The following SHISA9 variants were observed in gnomAD, a reference collection of about 807,000 sequenced individuals.
The protein encoded by SHISA9 is shisa family member 9, also known as protein shisa-9.
In SHISA9, 13 loss-of-function variants were observed where a neutral mutation model predicts 38.0. The ratio of observed to expected loss-of-function variants is 0.34; its 90% CI spans 0.22 to 0.54. The LOEUF (loss-of-function observed/expected upper bound fraction) is 0.54, where lower values mean the gene tolerates loss of function less well. Ranked by LOEUF, SHISA9 falls within the 20% of genes least tolerant of loss-of-function variation. The probability of loss-of-function intolerance (pLI) is 0.91; values close to 1 mark genes in which losing one functional copy is unlikely to be tolerated. For synonymous variants in SHISA9, 275 were observed against 242.0 expected, an observed-to-expected ratio of 1.14 and a Z score of -1.27; for missense variants, 538 against 575.8, an observed-to-expected ratio of 0.93 and a Z score of 0.67.
intron 2 of SHISA9, among the ~76,000 whole-genome samples, chr16:13,118,786 A>C (rs542752321): frequency 8.0e-4 from 118 of 146,874 alleles, no homozygotes; most frequent in Non-Finnish European, 1.5e-3. Context: ...CTGGAATGCA[A>C]TGGCGTGATC....
intron 4 of SHISA9, among the ~76,000 whole-genome samples, chr16:13,224,483 C>T (rs192078092): frequency 6.6e-6 from 1 of 152,296 alleles, no homozygotes; most frequent in Non-Finnish European, 1.5e-5. Context: ...GCCCATTTCT[C>T]ATATTTCAGG....
At chr16:13,512,768 C>T in the SHISA9 span, among the ~76,000 whole-genome samples, 1 of 152,156 alleles carries the variant, frequency 6.6e-6, no homozygotes, top group Non-Finnish European at 1.5e-5. Flanking sequence ...AAAGGATTCC[C>T]TATTTAATAA....
At chr16:12,979,124 A>C (rs4781370) in intron 2 of SHISA9, among the ~76,000 whole-genome samples, 152,318 of 152,322 alleles carry the variant, frequency 1, 76,157 homozygotes, top group Non-Finnish European at 1. Context: ...CCTCTCCTTG[A>C]TTGTTCCCAT....
chr16:13,299,257 C>T, the SHISA9 span, among the ~76,000 whole-genome samples: 11 of 152,338 alleles, frequency 7.2e-5, no homozygotes, highest in African/African-American at 2.4e-4. Flanking sequence ...TACAGACAGT[C>T]ACTGCTCTAG....
intron 2 of SHISA9, among the ~76,000 whole-genome samples, chr16:13,168,589 G>A (rs1207326336): frequency 6.6e-6 from 1 of 152,196 alleles, no homozygotes; most frequent in Non-Finnish European, 1.5e-5. Flanking sequence ...AAGGGAGAAG[G>A]GAGCCTGTTC....
At chr16:13,472,066 C>G in the SHISA9 span, among the ~76,000 whole-genome samples, 8 of 152,248 alleles carry the variant, frequency 5.3e-5, no homozygotes, top group African/African-American at 1.7e-4. Context: ...TGAGTAAACT[C>G]TTCTTGAAAA....
the SHISA9 span, among the ~76,000 whole-genome samples, chr16:13,397,191 G>A: frequency 1.9e-3 from 295 of 152,310 alleles, 1 homozygote; most frequent in Middle Eastern, 0.01. Context: ...GACTGTCTAC[G>A]TAATCAGTAA....
chr16:13,203,861 GTCCA>G (rs1036257449), intron 3 of SHISA9, among the ~76,000 whole-genome samples: 30 of 149,912 alleles, frequency 2.0e-4, no homozygotes, highest in African/African-American at 7.4e-4. Context: ...CTATCTGTCT[GTCCA>G]TCCATCCATC....
chr16:13,154,773 A>G (rs552580872), intron 2 of SHISA9, among the ~76,000 whole-genome samples: 130 of 152,318 alleles, frequency 8.5e-4, no homozygotes, highest in African/African-American at 2.8e-3. Flanking sequence ...TGATCCCTGT[A>G]GAGAGTTAGG....
chr16:13,015,018 C>G (rs962947690), intron 2 of SHISA9, among the ~76,000 whole-genome samples: 3 of 152,176 alleles, frequency 2.0e-5, no homozygotes, highest in African/African-American at 7.2e-5. Context: ...TTAGTGGATT[C>G]TCTCCTTTCA....
intron 2 of SHISA9, among the ~76,000 whole-genome samples, chr16:12,952,260 C>T (rs2141777587): frequency 6.6e-6 from 1 of 152,336 alleles, no homozygotes; most frequent in Middle Eastern, 3.4e-3. Context: ...AGAGAACTTT[C>T]TGTGACCTGT....
At chr16:13,472,444 T>C in the SHISA9 span, among the ~76,000 whole-genome samples, 2 of 126,158 alleles carry the variant, frequency 1.6e-5, no homozygotes, top group African/African-American at 3.0e-5. Context: ...CAGGCTGGAG[T>C]GCCGTGGAAC....
At chr16:13,440,515 G>C in the SHISA9 span, among the ~76,000 whole-genome samples, 54 of 152,340 alleles carry the variant, frequency 3.5e-4, no homozygotes, top group African/African-American at 1.2e-3. Flanking sequence ...AAAATGTCAA[G>C]ACTGACGCCC....
the SHISA9 span, among the ~76,000 whole-genome samples, chr16:13,558,964 G>C: frequency 5.1e-3 from 771 of 152,282 alleles, 5 homozygotes; most frequent in Non-Finnish European, 6.7e-3. Context: ...TAGCAAGTAA[G>C]CAAATTCACA....
At chr16:13,539,458 T>C in the SHISA9 span, among the ~76,000 whole-genome samples, 1 of 150,966 alleles carries the variant, frequency 6.6e-6, no homozygotes, top group East Asian at 2.0e-4. Context: ...ATTACAGGTG[T>C]CAACCACTAT....
chr16:13,399,998 C>CA, the SHISA9 span, among the ~76,000 whole-genome samples: 1 of 152,198 alleles, frequency 6.6e-6, no homozygotes, highest in African/African-American at 2.4e-5. Context: ...TCAAGCGTAT[C>CA]AGGTGCTCTC....
intron 2 of SHISA9, among the ~76,000 whole-genome samples, chr16:13,014,982 A>G (rs1197137768): frequency 2.0e-5 from 3 of 152,250 alleles, no homozygotes; most frequent in Non-Finnish European, 4.4e-5. Context: ...AGGGTTGGAC[A>G]TGAAGATATC....
the SHISA9 span, among the ~76,000 whole-genome samples, chr16:13,352,766 T>C: frequency 3.6e-5 from 5 of 139,238 alleles, no homozygotes; most frequent in African/African-American, 8.7e-5. Flanking sequence ...TCAAAGGGGG[T>C]TTGTTCTCTG....
chr16:13,164,812 T>C (rs992683344), intron 2 of SHISA9, among the ~76,000 whole-genome samples: 5 of 152,186 alleles, frequency 3.3e-5, no homozygotes, highest in Middle Eastern at 3.2e-3. Context: ...TATTGGTTTC[T>C]AATTTAATTC....
Sources: gnomAD v4.1 joint callset for allele counts (sites outside exome capture counted in the v4.1 genomes callset) on GRCh38, gnomAD v4.1.1 for gene constraint, MANE v1.5 for transcripts, NCBI Gene and HGNC (gene_info 2026-07-23, HGNC 2026-07-21) for gene names.